Variants in URM1 observed in about 807,000 individuals in gnomAD.
URM1 encodes the protein ubiquitin-related modifier 1.
Under a neutral mutation model 17.7 loss-of-function variants are expected in URM1, and 11 were observed. The ratio of observed to expected loss-of-function variants is 0.62; its 90% CI spans 0.39 to 1.03. URM1 has a LOEUF of 1.03. URM1 is among the 50% of genes least tolerant of loss of function. URM1 has a pLI of 0.00. For synonymous variants in URM1, 48 were observed against 50.6 expected, an observed-to-expected ratio of 0.95 and a Z score of 0.22; for missense variants, 128 against 129.2, an observed-to-expected ratio of 0.99 and a Z score of 0.04.
chr9:128,372,091 C>T (rs905901663), intron 1 of URM1, among the ~76,000 whole-genome samples: 1 of 152,178 alleles, frequency 6.6e-6, no homozygotes, highest in Non-Finnish European at 1.5e-5. Context: ...ACTGAAGAAA[C>T]ACAGAGCAGG....
chr9:128,382,485 A>C (rs1036673137), intron 2 of URM1, among the ~76,000 whole-genome samples: 1 of 152,120 alleles, frequency 6.6e-6, no homozygotes, highest in African/African-American at 2.4e-5. Flanking sequence ...CAGCCGTAAG[A>C]TTTCAGAATG....
At position 128,390,092 on chromosome 9, in the gene URM1, G is replaced by A. The variant is rs1200001168; in HGVS notation, c.*358G>A. ...AACATGGAGTGGCCGCTGACAAGGCGCTCCAGCCCCAGAGCCAGCGTCTTC... is the reference window on the plus strand; with the variant it reads ...AACATGGAGTGGCCGCTGACAAGGCACTCCAGCCCCAGAGCCAGCGTCTTC... On this transcript the variant is annotated 3_prime_UTR_variant, in exon 5 of 5. Coordinates refer to ENST00000372853, the MANE Select transcript of URM1 (RefSeq NM_030914.4). The A allele has an allele frequency of 2.4e-5, 7 of 289,444 alleles. No homozygotes were observed. Among genetic ancestry groups the A allele is most frequent in the South Asian group, 1.2e-4 (2 of 16,030 alleles). The allele number at this position is 289,444 out of a possible 1,614,324, so 17.9% of individuals were successfully genotyped here.
chr9:128,388,514 T>G (rs1488830347), intron 3 of URM1: 11 of 986,040 alleles, frequency 1.1e-5, no homozygotes, highest in Non-Finnish European at 1.3e-5. Context: ...GGTGCAGTTG[T>G]GAGGCTCGCT....
intron 2 of URM1, among the ~76,000 whole-genome samples, chr9:128,383,149 G>C (rs1833181338): frequency 6.6e-6 from 1 of 152,106 alleles, no homozygotes; most frequent in South Asian, 2.1e-4. Flanking sequence ...CTCAGGGCCT[G>C]TTTGCTGATC....
At chr9:128,388,914 A>T (rs1833265551) in intron 3 of URM1, 2 of 1,090,846 alleles carry the variant, frequency 1.8e-6, no homozygotes, top group Middle Eastern at 4.1e-4. Flanking sequence ...CACACATATC[A>T]GCTCATTTCG....
chr9:128,371,429 C>T lies in URM1; in HGVS notation c.35+14C>T. The T allele has an allele frequency of 1.9e-6, 3 of 1,611,756 alleles. No homozygotes were observed. Among genetic ancestry groups the T allele is most frequent in the Non-Finnish European group, 2.5e-6 (3 of 1,178,524 alleles). On this transcript the variant is annotated intron_variant, in intron 1 of 4. Coordinates refer to ENST00000372853, the MANE Select transcript of URM1 (RefSeq NM_030914.4). ...GGTGGAGTTCGGGTGAGTCACAGAGCTGGGGCGCCGTGGGGATGGATTGAA... is the reference window on the plus strand; with the variant it reads ...GGTGGAGTTCGGGTGAGTCACAGAGTTGGGGCGCCGTGGGGATGGATTGAA...
intron 1 of URM1, among the ~76,000 whole-genome samples, chr9:128,373,451 C>T (rs1833038263): frequency 6.6e-6 from 1 of 152,180 alleles, no homozygotes; most frequent in Admixed American, 6.5e-5. Context: ...CCCACTCCCA[C>T]TCCAGTTCTG....
chr9:128,389,524 G>T (rs756256510), intron 4 of URM1, 142 bp from the exon 5 acceptor site: 201 of 1,547,324 alleles, frequency 1.3e-4, no homozygotes, highest in Non-Finnish European at 1.7e-4. Flanking sequence ...AGATTTGCAG[G>T]TTGAGGTATA....
intron 2 of URM1, among the ~76,000 whole-genome samples, chr9:128,378,558 A>C (rs1833111989): frequency 7.0e-6 from 1 of 142,448 alleles, no homozygotes; most frequent in South Asian, 2.1e-4. Flanking sequence ...AAAAAAAAAA[A>C]AAAAAAAAAA....
chr9:128,381,849 C>T (rs1251296317), intron 2 of URM1, among the ~76,000 whole-genome samples: 3 of 152,224 alleles, frequency 2.0e-5, no homozygotes, highest in African/African-American at 2.4e-5. Flanking sequence ...AACCCATCAC[C>T]GTCTATCCCA....
intron 1 of URM1, among the ~76,000 whole-genome samples, chr9:128,373,283 C>T (rs929567474): frequency 6.6e-6 from 1 of 151,484 alleles, no homozygotes; most frequent in African/African-American, 2.4e-5. Context: ...AACCCAGGTT[C>T]CTTCTCTCTT....
intron 1 of URM1, among the ~76,000 whole-genome samples, chr9:128,373,702 T>G (rs1033279389): frequency 6.6e-6 from 1 of 152,182 alleles, no homozygotes; most frequent in Non-Finnish European, 1.5e-5. Context: ...TGGAGTTCTC[T>G]CCGTCCCACC....
intron 2 of URM1, among the ~76,000 whole-genome samples, chr9:128,384,110 A>T (rs1172558726): frequency 6.6e-6 from 1 of 152,136 alleles, no homozygotes; most frequent in Non-Finnish European, 1.5e-5. Flanking sequence ...TTGTCAGAGG[A>T]TGACACTGAG....
chr9:128,377,562 C>T (rs1299988303), intron 1 of URM1, among the ~76,000 whole-genome samples: 4 of 151,908 alleles, frequency 2.6e-5, no homozygotes, highest in Admixed American at 6.6e-5. Context: ...CCCAGCTACT[C>T]GGGAGGCTGA....
At position 128,390,048 on chromosome 9, in the gene URM1, C is replaced by T; in HGVS notation, c.*314C>T. On this transcript the variant is annotated 3_prime_UTR_variant, in exon 5 of 5. Coordinates refer to ENST00000372853, the MANE Select transcript of URM1 (RefSeq NM_030914.4). The stretch of plus-strand genomic sequence containing the variant: ...GGCCAGGTGACCTGGCTGCCTTCCA[C>T]TCCTTGTACCTCAGTCTAAACATGG... The T allele has an allele frequency of 2.3e-6, 1 of 429,498 alleles. No homozygotes were observed. The highest frequency in any genetic ancestry group is 4.2e-6 in the Non-Finnish European group (1 of 238,828). The allele number at this position is 429,498 out of a possible 1,614,324, so 26.6% of individuals were successfully genotyped here.
At chr9:128,380,489 A>G (rs1292591006) in intron 2 of URM1, among the ~76,000 whole-genome samples, 1 of 152,132 alleles carries the variant, frequency 6.6e-6, no homozygotes, top group Non-Finnish European at 1.5e-5. Flanking sequence ...CAGCCTTGGG[A>G]GGGCACATGG....
chr9:128,377,910 C>T, intron 1 of URM1, 126 bp from the exon 2 acceptor site: 1 of 904,628 alleles, frequency 1.1e-6, no homozygotes, highest in South Asian at 1.5e-5. Context: ...CAAGGTGTTT[C>T]TGCACCTTAG....
Position 128,383,279 on chromosome 9 carries a change from CCTT to C in URM1, c.107-4534_107-4532del, listed in dbSNP as rs575980481. On this transcript the variant is annotated intron_variant, in intron 2 of 4. Coordinates refer to ENST00000372853, the MANE Select transcript of URM1 (RefSeq NM_030914.4). ...GGTCCCCTCGCACATCTGTAAACCT[CCTT>C]CTGAGGCCAGTTTAGCCCACAAACT... is the stretch of plus-strand genomic sequence containing the variant. Among the ~76,000 whole-genome samples the C allele has an allele frequency of 4.3e-3, 655 of 152,296 alleles. 3 individuals are homozygous for C. Among genetic ancestry groups the C allele is most frequent in the Non-Finnish European group, 7.0e-3 (475 of 68,028 alleles).
At chr9:128,386,569 G>A (rs1833230222) in intron 2 of URM1, among the ~76,000 whole-genome samples, 1 of 152,272 alleles carries the variant, frequency 6.6e-6, no homozygotes, top group African/African-American at 2.4e-5. Context: ...CTGCAGGCCT[G>A]TCAGAGCGAG....
Sources: gnomAD v4.1 joint callset for allele counts (sites outside exome capture counted in the v4.1 genomes callset) on GRCh38, gnomAD v4.1.1 for gene constraint, MANE v1.5 for transcripts, NCBI Gene and HGNC (gene_info 2026-07-23, HGNC 2026-07-21) for gene names.